NBAS: variants seen among roughly 807,000 people sequenced by gnomAD.
NBAS encodes the protein NBAS subunit of NRZ tethering complex.
NBAS carries 219 observed loss-of-function variants against 302.5 expected under a neutral mutation model. That is an observed-to-expected ratio of 0.72 (90% CI 0.65 to 0.81). The LOEUF (loss-of-function observed/expected upper bound fraction) is 0.81, where lower values mean the gene tolerates loss of function less well. NBAS is among the 30% of genes least tolerant of loss of function. The pLI, the probability that NBAS is intolerant of heterozygous loss-of-function variation, is 0.00. For synonymous variants in NBAS, 1,118 were observed against 1,021.6 expected, an observed-to-expected ratio of 1.09 and a Z score of -1.80; for missense variants, 2,932 against 2,841.6, an observed-to-expected ratio of 1.03 and a Z score of -0.72.
chr2:15,347,300 T>C (rs1340939401), intron 35 of NBAS, among the ~76,000 whole-genome samples: 1 of 152,204 alleles, frequency 6.6e-6, no homozygotes, highest in Non-Finnish European at 1.5e-5. Context: ...GCAGAAATTC[T>C]ACATCTAGAG....
chr2:15,418,598 G>A (rs146349675), intron 23 of NBAS, among the ~76,000 whole-genome samples: 16 of 152,250 alleles, frequency 1.1e-4, no homozygotes, highest in East Asian at 5.8e-4. Context: ...TGTATGATGC[G>A]GATCCCACAG....
At chr2:15,056,889 T>C in the NBAS span, among the ~76,000 whole-genome samples, 1 of 149,448 alleles carries the variant, frequency 6.7e-6, no homozygotes, top group Non-Finnish European at 1.5e-5. Context: ...AGTGCAGTGG[T>C]GCGATCTCAG....
the NBAS span, among the ~76,000 whole-genome samples, chr2:14,813,829 A>G: frequency 6.6e-6 from 1 of 152,172 alleles, no homozygotes; most frequent in Non-Finnish European, 1.5e-5. Flanking sequence ...AATGCCTCCA[A>G]GGTATTTCAG....
Position 15,286,403 on chromosome 2 carries a change from T to C in NBAS, c.5138+670A>G, listed in dbSNP as rs558119014. Among the ~76,000 whole-genome samples the C allele has an allele frequency of 4.0e-3, 615 of 152,332 alleles. 1 individual carries two copies. The highest frequency in any genetic ancestry group is 7.3e-3 in the Non-Finnish European group (499 of 68,036). ...AACCTTCTATTATCCTAGCCTTCTA[T>C]TTATTATTCTTAGGAAGAAGTCAAA... On this transcript the variant is annotated intron_variant, in intron 42 of 51. Coordinates refer to ENST00000281513, the MANE Select transcript of NBAS (RefSeq NM_015909.4).
At chr2:14,945,787 A>G in the NBAS span, among the ~76,000 whole-genome samples, 1 of 152,188 alleles carries the variant, frequency 6.6e-6, no homozygotes, top group Admixed American at 6.5e-5. Context: ...CACCAACAAG[A>G]TATAGAGAAT....
At chr2:14,922,049 G>A in the NBAS span, among the ~76,000 whole-genome samples, 1 of 152,138 alleles carries the variant, frequency 6.6e-6, no homozygotes, top group Non-Finnish European at 1.5e-5. Context: ...CTATAATAAT[G>A]CAGCTGCTAC....
the NBAS span, among the ~76,000 whole-genome samples, chr2:15,094,398 T>A: frequency 6.6e-6 from 1 of 152,222 alleles, no homozygotes; most frequent in Non-Finnish European, 1.5e-5. Flanking sequence ...ATGGAAATTG[T>A]AAAATGTTCC....
chr2:15,126,330 A>C, the NBAS span, among the ~76,000 whole-genome samples: 2 of 152,184 alleles, frequency 1.3e-5, no homozygotes, highest in Admixed American at 1.3e-4. Context: ...TGAGCCAATG[A>C]AAGTTATTTT....
rs145103343 is a variant in NBAS at position 15,179,335 on chromosome 2, A to G, written c.6712-219T>C. ...CAGATTTCCAAGCTATCAGATATTC[A>G]TCGACAATATTGCTTTTTAATGGCT... On this transcript the variant is annotated intron_variant, in intron 50 of 51. Coordinates refer to ENST00000281513, the MANE Select transcript of NBAS (RefSeq NM_015909.4). 3.6e-4 allele frequency: 215 copies of G among 593,542 alleles called. 1 individual carries two copies. The East Asian group carries it at 5.7e-3, about 16-fold the overall frequency. The allele number at this position is 593,542 out of a possible 1,614,324, so 36.8% of individuals were successfully genotyped here. A position where few individuals can be genotyped will look rare whatever the true frequency, so the allele number is the denominator to read the frequency against.
the NBAS span, among the ~76,000 whole-genome samples, chr2:14,890,139 T>C: frequency 6.6e-6 from 1 of 152,240 alleles, no homozygotes; most frequent in African/African-American, 2.4e-5. Flanking sequence ...TTGTAAATGC[T>C]AATACCTATC....
At chr2:14,797,972 A>G in the NBAS span, among the ~76,000 whole-genome samples, 9 of 152,232 alleles carry the variant, frequency 5.9e-5, no homozygotes, top group African/African-American at 2.2e-4. Flanking sequence ...TTCCTAAACT[A>G]ACGTTACTTC....
the NBAS span, among the ~76,000 whole-genome samples, chr2:15,137,104 AG>A: frequency 1.3e-5 from 2 of 152,188 alleles, no homozygotes; most frequent in African/African-American, 4.8e-5. Context: ...CAAAGCAAGA[AG>A]GTACCATCCA....
the NBAS span, among the ~76,000 whole-genome samples, chr2:15,144,182 C>A: frequency 1.3e-5 from 2 of 151,716 alleles, no homozygotes; most frequent in Admixed American, 1.3e-4. Context: ...AACACATATG[C>A]ACACACAGTG....
At chr2:14,905,537 T>C in the NBAS span, among the ~76,000 whole-genome samples, 1 of 152,214 alleles carries the variant, frequency 6.6e-6, no homozygotes, top group South Asian at 2.1e-4. Context: ...TGTGGACTCC[T>C]CAGGGAATAA....
intron 44 of NBAS, among the ~76,000 whole-genome samples, chr2:15,256,005 G>T (rs1668574000): frequency 6.6e-6 from 1 of 152,018 alleles, no homozygotes; most frequent in African/African-American, 2.4e-5. Context: ...CTCCAGATTT[G>T]TTTTTTGTTT....
chr2:15,359,436 T>G (rs951240788), intron 32 of NBAS, among the ~76,000 whole-genome samples: 1 of 152,144 alleles, frequency 6.6e-6, no homozygotes. Flanking sequence ...CAAAATAAGT[T>G]TATAGTTTCA....
chr2:15,521,502 T>C (rs375022839), intron 9 of NBAS, among the ~76,000 whole-genome samples: 2 of 152,144 alleles, frequency 1.3e-5, no homozygotes, highest in African/African-American at 4.8e-5. Flanking sequence ...AAGCTGAAAA[T>C]AGAGCTGTAA....
the NBAS span, among the ~76,000 whole-genome samples, chr2:15,153,263 G>A: frequency 9.2e-5 from 14 of 152,180 alleles, no homozygotes; most frequent in Non-Finnish European, 1.9e-4. Context: ...TTAGAAATGC[G>A]CCATAGGCAG....
the NBAS span, among the ~76,000 whole-genome samples, chr2:14,782,847 A>G: frequency 6.6e-6 from 1 of 152,206 alleles, no homozygotes; most frequent in African/African-American, 2.4e-5. Context: ...TTAGCAAGGT[A>G]ACAGAAGAAC....
Sources: gnomAD v4.1 joint callset for allele counts (sites outside exome capture counted in the v4.1 genomes callset) on GRCh38, gnomAD v4.1.1 for gene constraint, MANE v1.5 for transcripts, NCBI Gene and HGNC (gene_info 2026-07-23, HGNC 2026-07-21) for gene names.